Variants in STK3 observed in about 807,000 individuals in gnomAD.
STK3 encodes the protein serine/threonine-protein kinase 3.
A neutral mutation model predicts 58.0 loss-of-function variants in STK3; 41 were observed. The observed-to-expected ratio is 0.71, with a 90% CI of 0.55 to 0.92. The LOEUF (loss-of-function observed/expected upper bound fraction) is 0.92. Among genes scored for constraint, STK3 ranks in the 40% least tolerant of loss-of-function variants. The pLI, the probability that STK3 is intolerant of heterozygous loss-of-function variation, is 0.00. For synonymous variants in STK3, 170 were observed against 191.0 expected (o/e 0.89, Z 0.91); for missense variants, 479 against 602.7 (o/e 0.79, Z 2.15).
chr8:98,764,165 A>G (rs1224769388), intron 3 of STK3, among the ~76,000 whole-genome samples: 1 of 152,246 alleles, frequency 6.6e-6, no homozygotes, highest in African/African-American at 2.4e-5. Context: ...AGTACCTACT[A>G]TGTGCAAGGC....
chr8:98,543,034 G>C (rs1217687116), intron 9 of STK3, among the ~76,000 whole-genome samples: 1 of 152,202 alleles, frequency 6.6e-6, no homozygotes, highest in Admixed American at 6.5e-5. Flanking sequence ...TGACAGTGCT[G>C]TAAGAGTGAA....
At chr8:98,374,390 C>T (rs1437557629) in intron 2 of STK3, among the ~76,000 whole-genome samples, 2 of 152,208 alleles carry the variant, frequency 1.3e-5, no homozygotes, top group Admixed American at 6.5e-5. Context: ...AAGGCCCAGG[C>T]ATTAGATAGA....
intron 8 of STK3, among the ~76,000 whole-genome samples, chr8:98,555,402 T>C (rs1220426887): frequency 6.6e-6 from 1 of 152,170 alleles, no homozygotes; most frequent in Non-Finnish European, 1.5e-5. Context: ...ATGTTTAGAA[T>C]ATAAAAATAG....
intron 6 of STK3, among the ~76,000 whole-genome samples, chr8:98,703,253 C>A (rs1825741661): frequency 6.6e-6 from 1 of 152,096 alleles, no homozygotes; most frequent in Non-Finnish European, 1.5e-5. Context: ...TCTTTGGTGT[C>A]TAGGCAAAAA....
intron 9 of STK3, among the ~76,000 whole-genome samples, chr8:98,541,195 T>C (rs138341095): frequency 1.3e-5 from 2 of 152,316 alleles, no homozygotes; most frequent in Non-Finnish European, 1.5e-5. Flanking sequence ...CTTGGCTCTA[T>C]GCCCCCACCT....
chr8:98,828,437 C>CAAAAAAAAAAAAAAAAAAAA (rs367737626), upstream of STK3, among the ~76,000 whole-genome samples: 2 of 48,578 alleles, frequency 4.1e-5, no homozygotes, highest in African/African-American at 8.9e-5. Context: ...CCCATCTCTA[C>CAAAAAAAAAAAAAAAAAAAA]AAAAAAAAAA....
intron 1 of STK3, among the ~76,000 whole-genome samples, chr8:98,803,282 G>A (rs1378647117): frequency 6.6e-6 from 1 of 151,842 alleles, no homozygotes; most frequent in Admixed American, 6.6e-5. Context: ...GAATAAACTG[G>A]CCACGGCAAT....
At chr8:98,704,306 T>C (rs1825813315) in intron 6 of STK3, among the ~76,000 whole-genome samples, 1 of 152,178 alleles carries the variant, frequency 6.6e-6, no homozygotes. Context: ...TGCAGTTCAA[T>C]ACTCTACTTT....
intron 10 of STK3, among the ~76,000 whole-genome samples, chr8:98,518,204 A>G (rs188107774): frequency 7.0e-4 from 107 of 152,186 alleles, no homozygotes; most frequent in Non-Finnish European, 1.2e-3. Context: ...AATTAATCCA[A>G]TAAGTACAGG....
At chr8:98,575,282 C>T (rs1232342196) in intron 8 of STK3, among the ~76,000 whole-genome samples, 1 of 151,654 alleles carries the variant, frequency 6.6e-6, no homozygotes, top group African/African-American at 2.4e-5. Context: ...TGGCAATTCT[C>T]CCCTCAAAAG....
At chr8:98,413,309 C>A in intron 3 of STK3, 1 of 473,748 alleles carries the variant, frequency 2.1e-6, no homozygotes, top group South Asian at 1.6e-5. Flanking sequence ...GCCACCATGC[C>A]TGGCCTAATT....
At chr8:98,725,943 C>T (rs921755329) in intron 4 of STK3, among the ~76,000 whole-genome samples, 3 of 152,138 alleles carry the variant, frequency 2.0e-5, no homozygotes, top group Non-Finnish European at 4.4e-5. Context: ...CCCAGGGTCA[C>T]AGAGCTAATA....
In STK3 at chr8:98,812,123, A is replaced by C. The variant is rs138582528; in HGVS notation, c.26+13392T>G. Among the ~76,000 whole-genome samples the C allele has an allele frequency of 1.7e-3, 260 of 152,082 alleles. 1 individual carries two copies. The highest frequency in any genetic ancestry group is 6.8e-3 in the Middle Eastern group (2 of 294). Reference sequence around the variant, plus strand: ...CCATGCCTGGCCATTTTTTTTTTCAATCCTGCTCCCTTTTGCCTTTTAAAA... The same window carrying C: ...CCATGCCTGGCCATTTTTTTTTTCACTCCTGCTCCCTTTTGCCTTTTAAAA... On this transcript the variant is annotated intron_variant, in intron 1 of 10. Coordinates refer to ENST00000419617, the MANE Select transcript of STK3 (RefSeq NM_006281.4).
At position 98,918,098 on chromosome 8, in the gene STK3, G is replaced by A. The variant is rs544099147; in HGVS notation, c.-79+24280C>T. Among the ~76,000 whole-genome samples the A allele has an allele frequency of 5.3e-5, 8 of 152,366 alleles. No homozygotes were observed. In the South Asian group the frequency reaches 1.0e-3, roughly 20 times the overall value. ...TAGTGCCTACTTCATAGGCTGAGAT[G>A]TGAATTGCAAATCAATCAATGTTTG... is the stretch of plus-strand genomic sequence containing the variant. On this transcript the variant is annotated intron_variant, in intron 1 of 1. Transcript: ENST00000519420.
intron 6 of STK3, among the ~76,000 whole-genome samples, chr8:98,609,082 T>C (rs1816980947): frequency 6.6e-6 from 1 of 152,096 alleles, no homozygotes; most frequent in Non-Finnish European, 1.5e-5. Context: ...CCTTAGAAAA[T>C]ACACAACCAC....
intron 10 of STK3, among the ~76,000 whole-genome samples, chr8:98,468,147 G>A (rs924223964): frequency 6.6e-5 from 10 of 152,144 alleles, no homozygotes; most frequent in African/African-American, 2.2e-4. Flanking sequence ...AATAAGAATC[G>A]TGGTCTGTTA....
At chr8:98,633,766 A>C in intron 6 of STK3, 1 of 564,974 alleles carries the variant, frequency 1.8e-6, no homozygotes, top group Non-Finnish European at 3.3e-6. Context: ...CCAGAGAAGA[A>C]GCTTTTTAAG....
At chr8:98,822,037 TATACACACACATACATACACACACACAC>T (rs1834937864) in intron 1 of STK3, among the ~76,000 whole-genome samples, 1 of 152,064 alleles carries the variant, frequency 6.6e-6, no homozygotes, top group Non-Finnish European at 1.5e-5. Flanking sequence ...TACATATATA[TATACACACACATACATACACACACACAC>T]ATACACACAC....
intron 3 of STK3, among the ~76,000 whole-genome samples, chr8:98,838,880 C>A (rs1300191446): frequency 6.6e-6 from 1 of 152,026 alleles, no homozygotes; most frequent in Non-Finnish European, 1.5e-5. Context: ...CGCCCCCACC[C>A]TACCATCGAG....
Sources: gnomAD v4.1 joint callset for allele counts (sites outside exome capture counted in the v4.1 genomes callset) on GRCh38, gnomAD v4.1.1 for gene constraint, MANE v1.5 for transcripts, NCBI Gene and HGNC (gene_info 2026-07-23, HGNC 2026-07-21) for gene names.